Variants in NID1 observed in about 807,000 individuals in gnomAD.
The protein encoded by NID1 is nidogen 1.
Under a neutral mutation model 130.6 loss-of-function variants are expected in NID1, and 76 were observed. The observed-to-expected ratio is 0.58, with a 90% CI of 0.48 to 0.70. The LOEUF is 0.70. Among genes scored for constraint, NID1 ranks in the 30% least tolerant of loss-of-function variants. The pLI, the probability that NID1 is intolerant of heterozygous loss-of-function variation, is 0.00. For missense variants in NID1, 1,517 were observed against 1,664.8 expected (o/e 0.91, Z 1.54); for synonymous variants, 665 against 675.1 (o/e 0.98, Z 0.23).
intron 17 of NID1, among the ~76,000 whole-genome samples, chr1:235,980,177 A>G (rs1657395912): frequency 6.6e-6 from 1 of 152,184 alleles, no homozygotes; most frequent in African/African-American, 2.4e-5. Flanking sequence ...TGAATTGCTT[A>G]TCGGTATCAG....
chr1:236,063,503 T>G (rs1419383851), intron 1 of NID1, among the ~76,000 whole-genome samples: 4 of 150,214 alleles, frequency 2.7e-5, no homozygotes, highest in Non-Finnish European at 4.4e-5. Flanking sequence ...AATAAATAAA[T>G]AAAGTAAGCA....
chr1:236,017,219 T>C lies in NID1; in HGVS notation c.2183A>G (p.Asn728Ser), dbSNP rs201452311. ...PSVCGSHTIC[N>S]NHPGTFRCEC... ...GCAGCGGAAGGTTCCTGGGTGATTA[T>C]TGCAGATTGTGTGGCTCCCACACAC... Residue 728 changes from asparagine to serine, a missense_variant, in exon 10 of 20, where the codon AAT (asparagine) becomes AGT (serine). This residue lies in a region of NID1 where 1,329 missense variants were observed against 1,429.2 expected (regional missense o/e 0.93). Transcript: ENST00000264187. The C allele has an allele frequency of 1.9e-6, 3 of 1,614,180 alleles. No homozygotes were observed. The highest frequency in any genetic ancestry group is 2.7e-5 in the African/African-American group (2 of 75,054).
At chr1:236,059,559 C>T (rs1002045571) in intron 1 of NID1, among the ~76,000 whole-genome samples, 1 of 152,126 alleles carries the variant, frequency 6.6e-6, no homozygotes, top group Admixed American at 6.6e-5. Context: ...AGATCAAACA[C>T]TAGAAGTGCC....
intron 15 of NID1, 123 bp from the exon 16 acceptor site, chr1:235,981,905 G>A: frequency 1.2e-6 from 1 of 851,780 alleles, no homozygotes; most frequent in Non-Finnish European, 1.8e-6. Context: ...GAAACCAAAT[G>A]GGAATGTGAA....
In NID1 at chr1:235,999,985, G is replaced by C. The variant is rs535662783; in HGVS notation, c.2528-6113C>G. On this transcript the variant is annotated intron_variant, in intron 12 of 19. Transcript: ENST00000264187. ...TCCCAGCGCTTTGGGAGGCTGAGGCGGGTGGATCACTTGAGGTCAGGAGTT... is the reference window on the plus strand; with the variant it reads ...TCCCAGCGCTTTGGGAGGCTGAGGCCGGTGGATCACTTGAGGTCAGGAGTT... Among the ~76,000 whole-genome samples, 755 of 152,154 alleles carry C rather than the reference G, an allele frequency of 5.0e-3. 5 individuals are homozygous for C. Among genetic ancestry groups the C allele is most frequent in the Non-Finnish European group, 7.9e-3 (534 of 67,982 alleles).
intron 14 of NID1, 81 bp downstream of exon 14, chr1:235,990,805 T>C (rs1657711942): frequency 6.6e-7 from 1 of 1,512,664 alleles, no homozygotes; most frequent in African/African-American, 1.4e-5. Flanking sequence ...GAGCCTGGGG[T>C]TCTGGTCTGA....
At chr1:236,011,314 T>C (rs867297290) in intron 12 of NID1, among the ~76,000 whole-genome samples, 5 of 150,016 alleles carry the variant, frequency 3.3e-5, no homozygotes, top group Non-Finnish European at 7.4e-5. Context: ...TTCTTTTTTT[T>C]TTTTTTTTGA....
At chr1:236,051,189 T>C (rs1364259919) in intron 1 of NID1, among the ~76,000 whole-genome samples, 1 of 152,034 alleles carries the variant, frequency 6.6e-6, no homozygotes. Flanking sequence ...AAAACACGAA[T>C]CCAGAATAGC....
At chr1:236,050,831 A>T (rs1006812952) in intron 1 of NID1, among the ~76,000 whole-genome samples, 1 of 152,202 alleles carries the variant, frequency 6.6e-6, no homozygotes, top group East Asian at 1.9e-4. Flanking sequence ...TAATCCCAAC[A>T]CTTTGGGAAG....
intron 6 of NID1, among the ~76,000 whole-genome samples, chr1:236,030,486 A>T (rs1659066138): frequency 6.6e-6 from 1 of 152,250 alleles, no homozygotes; most frequent in Admixed American, 6.5e-5. Context: ...TCAAAAGAAC[A>T]GTATTTCATG....
At chr1:235,995,289 G>A (rs1431175828) in intron 12 of NID1, among the ~76,000 whole-genome samples, 1 of 152,174 alleles carries the variant, frequency 6.6e-6, no homozygotes, top group African/African-American at 2.4e-5. Context: ...ATGATTTAAA[G>A]TACATGGGAG....
intron 10 of NID1, among the ~76,000 whole-genome samples, chr1:236,016,947 C>T (rs1451686325): frequency 1.3e-5 from 2 of 152,168 alleles, no homozygotes; most frequent in East Asian, 1.9e-4. Flanking sequence ...CTAGTGTAGG[C>T]AATAATGTTG....
chr1:236,054,884 C>T (rs1048014990), intron 1 of NID1, among the ~76,000 whole-genome samples: 7 of 151,996 alleles, frequency 4.6e-5, no homozygotes, highest in East Asian at 1.9e-4. Context: ...TCAAGCTATC[C>T]GCCCGCCTCA....
chr1:236,024,931 A>T (rs1024058094), intron 8 of NID1, among the ~76,000 whole-genome samples: 1 of 150,630 alleles, frequency 6.6e-6, no homozygotes, highest in South Asian at 2.1e-4. Context: ...CAATTTCCTC[A>T]GGCACTAACC....
At chr1:236,042,392 A>G in intron 3 of NID1, 100 bp from the exon 4 acceptor site, 1 of 1,429,970 alleles carries the variant, frequency 7.0e-7, no homozygotes, top group Non-Finnish European at 9.4e-7. Context: ...TTGGTCTGCA[A>G]GCCATCACCT....
intron 14 of NID1, among the ~76,000 whole-genome samples, chr1:235,989,594 A>G (rs556320463): frequency 6.6e-6 from 1 of 152,354 alleles, no homozygotes; most frequent in Non-Finnish European, 1.5e-5. Context: ...TGATATTTTA[A>G]TAGGAAGATA....
At chr1:236,020,053 AAAAAACAAAAAC>A (rs1344689799) in intron 9 of NID1, among the ~76,000 whole-genome samples, 2 of 137,766 alleles carry the variant, frequency 1.5e-5, no homozygotes, top group Non-Finnish European at 3.1e-5. Flanking sequence ...AAAAAAAAAA[AAAAAACAAAAAC>A]AAACTTCTTT....
At chr1:235,997,794 G>C (rs919668962) in intron 12 of NID1, among the ~76,000 whole-genome samples, 18 of 151,916 alleles carry the variant, frequency 1.2e-4, no homozygotes, top group Admixed American at 5.9e-4. Flanking sequence ...TTTTGGTAGA[G>C]ACGGGGTTTC....
chr1:236,044,601 A>C (rs1032325973), intron 3 of NID1, among the ~76,000 whole-genome samples: 4 of 152,196 alleles, frequency 2.6e-5, no homozygotes, highest in African/African-American at 9.6e-5. Context: ...TTACCAGCAC[A>C]TCACTAAGTG....
Sources: gnomAD v4.1 joint callset for allele counts (sites outside exome capture counted in the v4.1 genomes callset) on GRCh38, gnomAD v4.1.1 for gene constraint, gnomAD v4.1.1 regional missense constraint, MANE v1.5 for transcripts, NCBI Gene and HGNC (gene_info 2026-07-23, HGNC 2026-07-21) for gene names.